Variants in CTNNA1 observed in about 807,000 individuals in gnomAD.
CTNNA1 encodes catenin alpha-1.
Under a neutral mutation model 98.4 loss-of-function variants are expected in CTNNA1, and 37 were observed. The observed-to-expected ratio is 0.38, with a 90% CI of 0.29 to 0.49. The LOEUF is 0.49. Among genes scored for constraint, CTNNA1 ranks in the 20% least tolerant of loss-of-function variants. The pLI, the probability that CTNNA1 is intolerant of heterozygous loss-of-function variation, is 0.95. For synonymous variants in CTNNA1, 404 were observed against 413.2 expected (o/e 0.98, Z 0.27); for missense variants, 761 against 1,147.2 (o/e 0.66, Z 4.86).
At chr5:138,863,227 T>A (rs1561606994) in intron 7 of CTNNA1, among the ~76,000 whole-genome samples, 1 of 150,324 alleles carries the variant, frequency 6.7e-6, no homozygotes, top group Non-Finnish European at 1.5e-5. Context: ...CATCTTTTTT[T>A]ATATATATAT....
chr5:138,925,097 G>T (rs1003690020), intron 12 of CTNNA1, among the ~76,000 whole-genome samples, 159 bp from the exon 13 acceptor site: 2 of 152,194 alleles, frequency 1.3e-5, no homozygotes, highest in African/African-American at 4.8e-5. Flanking sequence ...GTAAAATACT[G>T]CATTTAATTT....
rs369860515 is a variant in CTNNA1 at position 138,924,729 on chromosome 5, T to C, written c.1747+19T>C. ...AACACAGGTACGGGAACTCTCCCTT[T>C]CCAGTGCTCGCACACACCGCAGCCT... On this transcript the variant is annotated intron_variant, in intron 12 of 17. Coordinates refer to ENST00000302763, the MANE Select transcript of CTNNA1 (RefSeq NM_001903.5). The C allele has an allele frequency of 6.4e-7, 1 of 1,551,554 alleles. No individual in the cohort carries two copies. Among genetic ancestry groups the C allele is most frequent in the Middle Eastern group, 2.0e-4 (1 of 4,928 alleles).
chr5:138,901,304 C>T (rs1390548818), intron 9 of CTNNA1, among the ~76,000 whole-genome samples: 1 of 152,116 alleles, frequency 6.6e-6, no homozygotes, highest in Non-Finnish European at 1.5e-5. Flanking sequence ...ATTACAGGGG[C>T]GTGCCACCAC....
chr5:138,825,482 G>GTTTT lies in CTNNA1; in HGVS notation c.858+696_858+699dup, dbSNP rs756586452. 2.5e-3 allele frequency among the ~76,000 whole-genome samples: 184 copies of GTTTT among 74,114 alleles called. 19 individuals carry two copies. Among genetic ancestry groups the GTTTT allele is most frequent in the Middle Eastern group, 7.9e-3 (1 of 126 alleles). 48.6% of individuals were successfully genotyped at this position (74,114 alleles called of 152,430 possible). On this transcript the variant is annotated intron_variant, in intron 6 of 17. Coordinates refer to ENST00000302763, the MANE Select transcript of CTNNA1 (RefSeq NM_001903.5). ...CTTCCAGTAGATGGCAGCAGTATAA[G>GTTTT]TTTTTTTTTTTTTTTTAGGGCTTTA...
At chr5:138,932,178 T>C in intron 16 of CTNNA1, 1 of 1,008,580 alleles carries the variant, frequency 9.9e-7, no homozygotes. Flanking sequence ...TCTGGACTTT[T>C]CTCCATAGCC....
intron 10 of CTNNA1, among the ~76,000 whole-genome samples, chr5:138,907,978 T>C (rs1212259590): frequency 6.6e-6 from 1 of 151,072 alleles, no homozygotes; most frequent in Non-Finnish European, 1.5e-5. Flanking sequence ...CCTTTTTTTT[T>C]TCTTCTTCTT....
chr5:138,852,144 GAGC>G (rs1048087252), intron 7 of CTNNA1, among the ~76,000 whole-genome samples: 1 of 152,154 alleles, frequency 6.6e-6, no homozygotes, highest in Non-Finnish European at 1.5e-5. Context: ...TATAGTTCTG[GAGC>G]AGGATTTTGG....
intron 15 of CTNNA1, 59 bp downstream of exon 15, chr5:138,930,713 A>C (rs2150335883): frequency 6.3e-7 from 1 of 1,580,236 alleles, no homozygotes; most frequent in Non-Finnish European, 8.7e-7. Flanking sequence ...CCCACAGGTC[A>C]CCTGCGCAGC....
intron 7 of CTNNA1, among the ~76,000 whole-genome samples, chr5:138,850,458 A>G (rs1763088041): frequency 2.0e-5 from 3 of 152,206 alleles, no homozygotes; most frequent in African/African-American, 4.8e-5. Context: ...ACTGTTCTGT[A>G]TAATGTTGAG....
intron 10 of CTNNA1, among the ~76,000 whole-genome samples, chr5:138,913,074 T>G (rs554908387): frequency 6.6e-6 from 1 of 152,136 alleles, no homozygotes; most frequent in South Asian, 2.1e-4. Context: ...TTTTTTTAAC[T>G]TTCGTTCAGT....
At chr5:138,766,108 C>T (rs766320790) in intron 1 of CTNNA1, among the ~76,000 whole-genome samples, 12 of 152,022 alleles carry the variant, frequency 7.9e-5, no homozygotes, top group Admixed American at 4.6e-4. Context: ...TCAAAAAACT[C>T]GAAAGAGCTC....
In CTNNA1 at chr5:138,848,974, G is replaced by A. The variant is rs969287489; in HGVS notation, c.1062+21256G>A. Among the ~76,000 whole-genome samples, 7 of 152,042 alleles carry A rather than the reference G, an allele frequency of 4.6e-5. No individual in the cohort carries two copies. The East Asian group carries it at 7.8e-4, about 17-fold the overall frequency. On this transcript the variant is annotated intron_variant, in intron 7 of 17. Coordinates refer to ENST00000302763, the MANE Select transcript of CTNNA1 (RefSeq NM_001903.5). ...CCTGACCTCATGATATGCCTGCCTC[G>A]GCCTCCCAAATTGCTGGGATTACAG...
intron 5 of CTNNA1, among the ~76,000 whole-genome samples, chr5:138,823,630 C>G (rs28363398): frequency 0.036 from 5,473 of 152,172 alleles, 265 homozygotes; most frequent in African/African-American, 0.11. Flanking sequence ...CCTGTGGCAT[C>G]CTGTCCCAAA....
chr5:138,773,266 T>C (rs764883702), intron 1 of CTNNA1, among the ~76,000 whole-genome samples: 1 of 152,196 alleles, frequency 6.6e-6, no homozygotes, highest in Non-Finnish European at 1.5e-5. Flanking sequence ...CGATACGAGC[T>C]AAAATAAAAT....
At chr5:138,886,332 C>A in intron 8 of CTNNA1, 40 bp downstream of exon 8, 1 of 1,542,042 alleles carries the variant, frequency 6.5e-7, no homozygotes, top group South Asian at 1.3e-5. Context: ...TCTAAGTTCT[C>A]AATTTTGTAG....
chr5:138,851,926 C>G (rs974629837), intron 7 of CTNNA1, among the ~76,000 whole-genome samples: 9 of 151,268 alleles, frequency 5.9e-5, no homozygotes, highest in Middle Eastern at 6.9e-3. Flanking sequence ...AAAAATTAGC[C>G]AGGCATGATG....
chr5:138,769,379 G>GTTATTA lies in CTNNA1; in HGVS notation c.-2-12526_-2-12521dup, dbSNP rs372870548. Among the ~76,000 whole-genome samples, 246 of 150,584 alleles carry GTTATTA rather than the reference G, an allele frequency of 1.6e-3. 1 individual carries two copies. Among genetic ancestry groups the GTTATTA allele is most frequent in the Non-Finnish European group, 3.0e-3 (203 of 67,606 alleles). On this transcript the variant is annotated intron_variant, in intron 1 of 17. Coordinates refer to ENST00000302763, the MANE Select transcript of CTNNA1 (RefSeq NM_001903.5). The stretch of plus-strand genomic sequence containing the variant: ...TTTTATTTTTATTTATTATTTTTGG[G>GTTATTA]TTATTATTATTATTATTATTATTTT...
chr5:138,776,193 C>T (rs993069823), intron 1 of CTNNA1, among the ~76,000 whole-genome samples: 4 of 151,454 alleles, frequency 2.6e-5, no homozygotes, highest in Non-Finnish European at 5.9e-5. Context: ...ACCCTGCGGC[C>T]TTCCGCAGTG....
intron 1 of CTNNA1, among the ~76,000 whole-genome samples, chr5:138,767,736 T>G (rs1413127961): frequency 6.6e-6 from 1 of 152,224 alleles, no homozygotes; most frequent in African/African-American, 2.4e-5. Flanking sequence ...CGATAGAAAC[T>G]ATTTCAGAGT....
Sources: gnomAD v4.1 joint callset for allele counts (sites outside exome capture counted in the v4.1 genomes callset) on GRCh38, gnomAD v4.1.1 for gene constraint, MANE v1.5 for transcripts, NCBI Gene and HGNC (gene_info 2026-07-23, HGNC 2026-07-21) for gene names.